Variants in TSHZ3 observed in about 807,000 individuals in gnomAD.
The protein encoded by TSHZ3 is teashirt homolog 3.
A neutral mutation model predicts 64.5 loss-of-function variants in TSHZ3; 10 were observed. The observed-to-expected ratio is 0.16, with a 90% CI of 0.10 to 0.26. The LOEUF (loss-of-function observed/expected upper bound fraction) is 0.26, where lower values mean the gene tolerates loss of function less well. Among genes scored for constraint, TSHZ3 ranks in the 10% least tolerant of loss-of-function variants. The pLI, the probability that TSHZ3 is intolerant of heterozygous loss-of-function variation, is 1.00. For synonymous variants in TSHZ3, 608 were observed against 593.1 expected (o/e 1.03, Z -0.36); for missense variants, 1,242 against 1,421.7 (o/e 0.87, Z 2.03).
rs576405438 is a variant in TSHZ3, at chr19:31,154,721, C to T, written n.871+1635G>A. On this transcript the variant is annotated intron_variant and non_coding_transcript_variant, in intron 6 of 6. Coordinates refer to the TSHZ3 transcript ENST00000651361. ...AAATGGCTTGAACTTCCCGAGGTTC[C>T]ATCCCATCCTCCCAGTGTGCAGGTG... Among the ~76,000 whole-genome samples the T allele has an allele frequency of 3.9e-5, 6 of 152,334 alleles. No individual in the cohort carries two copies. In the South Asian group the frequency reaches 1.0e-3, roughly 26 times the overall value.
chr19:31,253,966 G>A (rs1975875496), intron 1 of TSHZ3, among the ~76,000 whole-genome samples: 1 of 152,224 alleles, frequency 6.6e-6, no homozygotes, highest in Non-Finnish European at 1.5e-5. Context: ...TCAAAGGACA[G>A]CTGGGTGTGA....
rs1217918635 is a variant in TSHZ3 at position 31,275,207 on chromosome 19, T to G, written c.*1340A>C. The G allele has an allele frequency of 1.3e-5, 2 of 152,506 alleles. No individual in the cohort carries two copies. Among genetic ancestry groups the G allele is most frequent in the South Asian group, 2.1e-4 (1 of 4,826 alleles). 9.4% of individuals were successfully genotyped at this position (152,506 alleles called of 1,614,324 possible). ...GGGTTACCTTTCATAAGCCTAAAGA[T>G]AAAGCTGCAGTGTGGGATCTTGGGA... On this transcript the variant is annotated 3_prime_UTR_variant, in exon 2 of 2. Coordinates refer to ENST00000240587, the MANE Select transcript of TSHZ3 (RefSeq NM_020856.4).
chr19:31,267,336 T>C (rs937794577), intron 1 of TSHZ3, among the ~76,000 whole-genome samples: 1 of 151,970 alleles, frequency 6.6e-6, no homozygotes, highest in East Asian at 1.9e-4. Flanking sequence ...GGGGGAAAGC[T>C]CCTCAGACCC....
At chr19:31,323,694 G>C (rs1421919599) in intron 1 of TSHZ3, among the ~76,000 whole-genome samples, 1 of 152,042 alleles carries the variant, frequency 6.6e-6, no homozygotes, top group African/African-American at 2.4e-5. Flanking sequence ...ATCTAGACCA[G>C]GAAGAAGTTG....
At chr19:31,169,364 A>G (rs966760506) in intron 5 of TSHZ3, among the ~76,000 whole-genome samples, 29 of 152,226 alleles carry the variant, frequency 1.9e-4, no homozygotes, top group African/African-American at 6.8e-4. Flanking sequence ...AGTGGAAGCA[A>G]CTCAAGTGTT....
chr19:31,266,448 G>A (rs956450179), intron 1 of TSHZ3, among the ~76,000 whole-genome samples: 3 of 152,076 alleles, frequency 2.0e-5, no homozygotes, highest in Admixed American at 1.3e-4. Context: ...AATCAGGGGC[G>A]CCACTCCCTG....
chr19:31,219,673 T>G (rs981046750), intron 4 of TSHZ3, among the ~76,000 whole-genome samples: 4 of 151,774 alleles, frequency 2.6e-5, no homozygotes, highest in African/African-American at 9.7e-5. Flanking sequence ...GAACCTTTAT[T>G]ATCTCATTTC....
chr19:31,330,731 A>C (rs1003209239), intron 1 of TSHZ3, among the ~76,000 whole-genome samples: 4 of 149,940 alleles, frequency 2.7e-5, no homozygotes, highest in African/African-American at 7.4e-5. Context: ...AGTCCAGAAC[A>C]CCTATGGGTC....
At chr19:31,336,955 T>G (rs185962059) in intron 1 of TSHZ3, among the ~76,000 whole-genome samples, 5 of 152,246 alleles carry the variant, frequency 3.3e-5, no homozygotes, top group Non-Finnish European at 7.4e-5. Context: ...GCTGCTTAAG[T>G]GTCTAGAAAA....
Position 31,278,035 on chromosome 19 carries a change from C to T in TSHZ3, c.1758G>A (p.Thr586=), listed in dbSNP as rs540753819. Residue 586 remains threonine (T), a synonymous_variant, in exon 2 of 2, where the codon ACG becomes ACA. Transcript: ENST00000240587. This position sits in a 1 kb window ranked among gnomAD's most constrained non-coding sequence, Gnocchi z 4.7. ...GTGGAGAGACCAGGGTCTGGTTTTT[C>T]GTCGGGGAGACAATCTCACTGTTGC... The part of the protein sequence containing the change: ...MFGNSEIVSP[T]KNQTLVSPPS... The T allele has an allele frequency of 3.6e-4, 587 of 1,613,108 alleles. 13 individuals carry two copies. The South Asian group carries it at 6.0e-3, about 16-fold the overall frequency.
intron 1 of TSHZ3, among the ~76,000 whole-genome samples, chr19:31,322,572 T>C (rs1049135830): frequency 6.6e-6 from 1 of 152,106 alleles, no homozygotes; most frequent in South Asian, 2.1e-4. Context: ...AGATGCATGC[T>C]ACCATGCCCA....
At chr19:31,198,248 T>C (rs1580756) in intron 5 of TSHZ3, among the ~76,000 whole-genome samples, 106,041 of 151,972 alleles carry the variant, frequency 0.7, 37,201 homozygotes, top group African/African-American at 0.77. Context: ...AAATCTAACA[T>C]CACTTATGAT....
chr19:31,227,522 G>A (rs1373461487), intron 4 of TSHZ3, among the ~76,000 whole-genome samples: 1 of 152,144 alleles, frequency 6.6e-6, no homozygotes, highest in African/African-American at 2.4e-5. Flanking sequence ...CCTGCTAGAA[G>A]AGAAAGGCAG....
intron 4 of TSHZ3, among the ~76,000 whole-genome samples, chr19:31,222,044 C>G (rs1204113540): frequency 1.3e-5 from 2 of 152,172 alleles, no homozygotes; most frequent in African/African-American, 4.8e-5. Context: ...TTTGCCTGGA[C>G]CCCAGCTATA....
intron 5 of TSHZ3, among the ~76,000 whole-genome samples, chr19:31,180,503 G>T (rs75846335): frequency 0.014 from 2,205 of 152,304 alleles, 49 homozygotes; most frequent in African/African-American, 0.051. Context: ...CAAACTCTGA[G>T]CTAAAAGTGA....
At chr19:31,197,211 T>C (rs898821963) in intron 5 of TSHZ3, among the ~76,000 whole-genome samples, 5 of 151,784 alleles carry the variant, frequency 3.3e-5, no homozygotes, top group African/African-American at 1.2e-4. Context: ...CAATAACACA[T>C]GGTCAAAAAA....
chr19:31,205,130 T>C (rs1207432879), intron 4 of TSHZ3, among the ~76,000 whole-genome samples: 1 of 152,174 alleles, frequency 6.6e-6, no homozygotes, highest in Non-Finnish European at 1.5e-5. Context: ...GAGAGGTTCC[T>C]TGTCGGCTGT....
chr19:31,294,109 A>T (rs142432703), intron 1 of TSHZ3, among the ~76,000 whole-genome samples: 4 of 152,296 alleles, frequency 2.6e-5, no homozygotes, highest in Non-Finnish European at 5.9e-5. Flanking sequence ...TGGAGAGAAG[A>T]TGTTCCCAGT....
chr19:31,348,761 TC>T (rs1272684563), intron 1 of TSHZ3: 1 of 188,082 alleles, frequency 5.3e-6, no homozygotes, highest in Non-Finnish European at 1.1e-5. Context: ...TCGTTCGCGC[TC>T]CCTGGCTCGG....
Sources: allele counts gnomAD v4.1 joint callset (sites outside exome capture counted in the v4.1 genomes callset), GRCh38; gene constraint gnomAD v4.1.1; non-coding constraint Gnocchi (gnomAD v3.1); transcripts MANE v1.5; gene names NCBI Gene and HGNC (gene_info 2026-07-23, HGNC 2026-07-21).